The following WDCP variants were observed in gnomAD, a reference collection of about 807,000 sequenced individuals.
WDCP encodes WD repeat and coiled coil containing.
In WDCP, 19 loss-of-function variants were observed where a neutral mutation model predicts 41.6. That is an observed-to-expected ratio of 0.46 (90% CI 0.32 to 0.67). WDCP has a LOEUF of 0.67. Among genes scored for constraint, WDCP ranks in the 30% least tolerant of loss-of-function variants. WDCP has a pLI of 0.04. For synonymous variants in WDCP, 302 were observed against 320.8 expected (o/e 0.94, Z 0.63); for missense variants, 802 against 850.7 (o/e 0.94, Z 0.71).
chr2:24,030,774 C>T lies in WDCP; in HGVS notation c.*159G>A. On this transcript the variant is annotated 3_prime_UTR_variant, in exon 4 of 4. Coordinates refer to ENST00000295148, the MANE Select transcript of WDCP (RefSeq NM_025203.3). Reference sequence around the variant, plus strand: ...CTGAGCTCTGCTACACAGCAGCGAGCCTCAGCTCAGGGGAAACAGGGGGAA... The same window carrying T: ...CTGAGCTCTGCTACACAGCAGCGAGTCTCAGCTCAGGGGAAACAGGGGGAA... 1 of 620,282 alleles carries T rather than the reference C, an allele frequency of 1.6e-6. No homozygotes were observed. The highest frequency in any genetic ancestry group is 2.9e-6 in the Non-Finnish European group (1 of 345,506). The allele number at this position is 620,282 out of a possible 1,614,324, so 38.4% of individuals were successfully genotyped here.
Position 24,030,867 on chromosome 2 carries a change from G to A in WDCP, c.*66C>T. 8.0e-7 allele frequency: 1 copy of A among 1,251,924 alleles called. No individual in the cohort carries two copies. Among genetic ancestry groups the A allele is most frequent in the Admixed American group, 1.9e-5 (1 of 53,470 alleles). The allele number at this position is 1,251,924 out of a possible 1,614,324, so 77.6% of individuals were successfully genotyped here. A position where few individuals can be genotyped will look rare whatever the true frequency, so the allele number is the denominator to read the frequency against. On this transcript the variant is annotated 3_prime_UTR_variant, in exon 4 of 4. Transcript: ENST00000295148. ...TGGGAGTCTCATTGGCGAGTGTCCA[G>A]TGTCAAGCAGGCCTTGTTTGTAATG...
Position 24,030,987 on chromosome 2 carries a change from A to G in WDCP, c.2112T>C (p.Ala704=), listed in dbSNP as rs1402673493. The change falls in exon 4 of 4, where the codon GCT becomes GCC. Residue 704 remains alanine (A), a synonymous_variant. Transcript: ENST00000295148. The stretch of plus-strand genomic sequence containing the variant: ...AGCCAGTGGTATCTAAACTGGGGGC[A>G]GCAAGGCCTGTAAAGACTTTAAGAG... ...VSSLKVFTGL[A]APSLDTTGCC... The G allele has an allele frequency of 1.2e-6, 2 of 1,614,120 alleles. No individual in the cohort carries two copies. The highest frequency in any genetic ancestry group is 1.7e-6 in the Non-Finnish European group (2 of 1,180,046).
chr2:24,038,008 A>T lies in WDCP; in HGVS notation c.1487T>A (p.Ile496Asn), dbSNP rs775118738. Residue 496 changes from isoleucine (I) to asparagine (N), a missense_variant, in exon 2 of 4, where the codon ATT becomes AAT. This residue lies in a region of WDCP where 321 missense variants were observed against 305.1 expected (regional missense o/e 1.05). Transcript: ENST00000295148. ...SQNGRPGRTLIKEIQSPLSSI... is the reference protein window; with the variant it reads ...SQNGRPGRTLNKEIQSPLSSI... ...AGACAGAGGACTCTGGATTTCTTTAATAAGTGTTCTTCCAGGCCTTCCATT... is the reference window on the plus strand; with the variant it reads ...AGACAGAGGACTCTGGATTTCTTTATTAAGTGTTCTTCCAGGCCTTCCATT... 3.1e-6 allele frequency: 5 copies of T among 1,614,184 alleles called. No homozygotes were observed. Among genetic ancestry groups the T allele is most frequent in the Non-Finnish European group, 4.2e-6 (5 of 1,180,022 alleles).
intron 1 of WDCP, among the ~76,000 whole-genome samples, chr2:24,041,269 G>T (rs1259525072): frequency 1.3e-5 from 2 of 151,204 alleles, no homozygotes; most frequent in African/African-American, 4.9e-5. Context: ...AACCCAGGAG[G>T]TAGAGATTAC....
At chr2:24,040,560 T>C (rs1663395178) in intron 1 of WDCP, among the ~76,000 whole-genome samples, 1 of 152,254 alleles carries the variant, frequency 6.6e-6, no homozygotes, top group Non-Finnish European at 1.5e-5. Flanking sequence ...TTCTACTTCA[T>C]CTTATTCAAC....
At chr2:24,045,631 G>GAGGAAGGAAGGAAGGAAGGA (rs4041250) in intron 1 of WDCP, among the ~76,000 whole-genome samples, 11 of 106,130 alleles carry the variant, frequency 1.0e-4, no homozygotes, top group Non-Finnish European at 1.6e-4. Flanking sequence ...GAGAGAGAGA[G>GAGGAAGGAAGGAAGGAAGGA]AGGAAGGAAG....
At chr2:24,032,478 G>A (rs977898399) in intron 3 of WDCP, among the ~76,000 whole-genome samples, 2 of 152,164 alleles carry the variant, frequency 1.3e-5, no homozygotes, top group African/African-American at 2.4e-5. Context: ...CTCCAGGACC[G>A]GGTGGCAGAG....
At chr2:24,042,183 C>T (rs1663462608) in intron 1 of WDCP, among the ~76,000 whole-genome samples, 1 of 151,996 alleles carries the variant, frequency 6.6e-6, no homozygotes, top group African/African-American at 2.4e-5. Flanking sequence ...GGGCAGATCA[C>T]GTGAGGTCAG....
chr2:24,031,079 C>T lies in WDCP; in HGVS notation c.2020G>A (p.Asp674Asn), dbSNP rs1377779487. 6.2e-7 allele frequency: 1 copy of T among 1,614,174 alleles called. No homozygotes were observed. The highest frequency in any genetic ancestry group is 8.5e-7 in the Non-Finnish European group (1 of 1,180,022). The change falls in exon 4 of 4, where the codon GAT becomes AAT. Residue 674 changes from aspartate (D) to asparagine (N), a missense_variant. Transcript: ENST00000295148. The part of the protein sequence containing the change: ...FTATQEIIIR[D>N]GSLSRSDVFR... ...ACATCTGACCTGGACAGGCTGCCAT[C>T]TCTTATGATTATTTCCTGTGTGGCT...
rs77097845 is a variant in WDCP, at chr2:24,041,497, C to T, written c.-18-1985G>A. 1.1e-3 allele frequency among the ~76,000 whole-genome samples: 168 copies of T among 152,120 alleles called. 1 individual carries two copies. The East Asian group carries it at 0.025, about 23-fold the overall frequency. On this transcript the variant is annotated intron_variant, in intron 1 of 3. Coordinates refer to ENST00000295148, the MANE Select transcript of WDCP (RefSeq NM_025203.3). The stretch of plus-strand genomic sequence containing the variant: ...AGACACAAAGATATATAGGATTTTA[C>T]ATGTTATGGCTTTTCTTTTAAACAA...
intron 1 of WDCP, among the ~76,000 whole-genome samples, chr2:24,046,516 C>T (rs1006042590): frequency 1.3e-5 from 2 of 152,092 alleles, no homozygotes; most frequent in Non-Finnish European, 2.9e-5. Context: ...AACTAAGAGC[C>T]GGTGCTCAGT....
At chr2:24,042,538 A>C (rs1251146399) in intron 1 of WDCP, among the ~76,000 whole-genome samples, 1 of 148,076 alleles carries the variant, frequency 6.8e-6, no homozygotes, top group Non-Finnish European at 1.5e-5. Flanking sequence ...TCCGTCTCAA[A>C]AAAAAAAAAA....
At chr2:24,040,449 T>G (rs72781692) in intron 1 of WDCP, among the ~76,000 whole-genome samples, 22,461 of 152,256 alleles carry the variant, frequency 0.15, 1,967 homozygotes, top group South Asian at 0.2. Context: ...ATAACTGATA[T>G]GCACATCTCT....
chr2:24,032,344 T>C (rs1482932175), intron 3 of WDCP, among the ~76,000 whole-genome samples: 2 of 151,680 alleles, frequency 1.3e-5, no homozygotes, highest in Non-Finnish European at 2.9e-5. Context: ...TCTACGAAAA[T>C]ACAAAAAATT....
chr2:24,045,691 G>GGGCA (rs1663601182), intron 1 of WDCP: 2 of 151,302 alleles, frequency 1.3e-5, no homozygotes, highest in Non-Finnish European at 2.9e-5. Flanking sequence ...AGGAAAGGAA[G>GGGCA]GGCAGGCACA....
intron 1 of WDCP, among the ~76,000 whole-genome samples, chr2:24,043,533 C>G (rs556125370): frequency 6.6e-6 from 1 of 152,254 alleles, no homozygotes; most frequent in South Asian, 2.1e-4. Flanking sequence ...CAACAATCTA[C>G]AAACATATAT....
intron 3 of WDCP, 69 bp from the exon 4 acceptor site, chr2:24,031,231 A>AT: frequency 8.1e-7 from 1 of 1,234,910 alleles, no homozygotes; most frequent in Non-Finnish European, 1.1e-6. Flanking sequence ...TATGACTACA[A>AT]ATTTTTTTTT....
At chr2:24,044,150 G>A (rs912155197) in intron 1 of WDCP, among the ~76,000 whole-genome samples, 6 of 152,092 alleles carry the variant, frequency 3.9e-5, no homozygotes, top group Non-Finnish European at 8.8e-5. Context: ...CATCCAAGTC[G>A]ATTTATATAT....
At chr2:24,036,638 A>G (rs1663265270) in intron 2 of WDCP, among the ~76,000 whole-genome samples, 1 of 152,246 alleles carries the variant, frequency 6.6e-6, no homozygotes, top group African/African-American at 2.4e-5. Flanking sequence ...TAAGAGTACT[A>G]CTGCAGCATC....
Sources: allele counts gnomAD v4.1 joint callset (sites outside exome capture counted in the v4.1 genomes callset), GRCh38; gene constraint gnomAD v4.1.1; regional missense constraint gnomAD v4.1.1; transcripts MANE v1.5; gene names NCBI Gene and HGNC (gene_info 2026-07-23, HGNC 2026-07-21).